The following ZNRF1 variants were observed in gnomAD, a reference collection of about 807,000 sequenced individuals.
The protein encoded by ZNRF1 is zinc and ring finger 1.
In ZNRF1, 3 loss-of-function variants were observed where a neutral mutation model predicts 18.4. That is an observed-to-expected ratio of 0.16 (90% CI 0.07 to 0.42). ZNRF1 has a LOEUF of 0.42. Ranked by LOEUF, ZNRF1 falls within the 10% of genes least tolerant of loss-of-function variation. ZNRF1 has a pLI of 0.99. For synonymous variants in ZNRF1, 157 were observed against 144.2 expected, an observed-to-expected ratio of 1.09 and a Z score of -0.64; for missense variants, 310 against 329.8, an observed-to-expected ratio of 0.94 and a Z score of 0.47.
intron 1 of ZNRF1, among the ~76,000 whole-genome samples, chr16:75,086,747 A>C (rs2036079331): frequency 6.6e-6 from 1 of 152,218 alleles, no homozygotes. Flanking sequence ...CTGAATGCTA[A>C]GGGCAAAGTC....
intron 2 of ZNRF1, among the ~76,000 whole-genome samples, chr16:75,096,058 GCA>G (rs71378738): frequency 0.17 from 19,413 of 111,880 alleles, 1,459 homozygotes; most frequent in East Asian, 0.35. Flanking sequence ...CTGTATGTGT[GCA>G]CGTGTGTGTG....
At chr16:75,102,768 G>A (rs1468272593) in intron 2 of ZNRF1, among the ~76,000 whole-genome samples, 1 of 152,136 alleles carries the variant, frequency 6.6e-6, no homozygotes, top group Non-Finnish European at 1.5e-5. Flanking sequence ...AGCTGGCCGG[G>A]CCTCCTCCCA....
intron 4 of ZNRF1, 51 bp downstream of exon 4, chr16:75,106,622 C>G: frequency 6.6e-7 from 1 of 1,516,470 alleles, no homozygotes; most frequent in Non-Finnish European, 9.1e-7. Flanking sequence ...GGTCAGGTCA[C>G]TTTGGGGGCC....
rs182312953 is a variant in ZNRF1, at chr16:75,082,327, C to T, written c.425-11245C>T. On this transcript the variant is annotated intron_variant, in intron 1 of 4. Transcript: ENST00000335325. ...TCTAGAGGGTCAAAGGGAAGAGGAC[C>T]AATGAATGGCCATAGCTCCTGTTCC... 3.5e-4 allele frequency among the ~76,000 whole-genome samples: 53 copies of T among 152,294 alleles called. 1 individual carries two copies. The East Asian group carries it at 0.01, about 29-fold the overall frequency.
chr16:75,010,711 G>GTTTTTTTTTTT lies in ZNRF1; in HGVS notation c.424+10623_424+10624insTTTTTTTTTTT, dbSNP rs67210395. 9.0e-4 allele frequency among the ~76,000 whole-genome samples: 67 copies of GTTTTTTTTTTT among 74,332 alleles called. 3 individuals are homozygous for GTTTTTTTTTTT. Among genetic ancestry groups the GTTTTTTTTTTT allele is most frequent in the African/African-American group, 1.7e-3 (43 of 25,794 alleles). The allele number at this position is 74,332 out of a possible 152,430, so 48.8% of individuals were successfully genotyped here. A position where few individuals can be genotyped will look rare whatever the true frequency, so the allele number is the denominator to read the frequency against. ...CCTCTGTACTGTACTGTTTTTTTTTGTTTTTTTGTTTTTTTTTTTTTGAGG... is the reference window on the plus strand; with the variant it reads ...CCTCTGTACTGTACTGTTTTTTTTTGTTTTTTTTTTTTTTTTTTGTTTTTTTTTTTTTGAGG... On this transcript the variant is annotated intron_variant, in intron 1 of 4. Coordinates refer to ENST00000335325, the MANE Select transcript of ZNRF1 (RefSeq NM_032268.5).
chr16:75,036,422 C>T (rs925476714), intron 1 of ZNRF1, among the ~76,000 whole-genome samples: 2 of 152,172 alleles, frequency 1.3e-5, no homozygotes, highest in South Asian at 2.1e-4. Flanking sequence ...TGAGCCACTA[C>T]ACCGGGCTTG....
intron 1 of ZNRF1, among the ~76,000 whole-genome samples, chr16:75,039,467 T>C (rs534280077): frequency 1.2e-4 from 19 of 152,318 alleles, no homozygotes; most frequent in African/African-American, 4.6e-4. Context: ...AAACTACTTA[T>C]AAAAATCCTT....
At chr16:75,016,688 A>C (rs895384699) in intron 1 of ZNRF1, among the ~76,000 whole-genome samples, 1 of 139,570 alleles carries the variant, frequency 7.2e-6, no homozygotes, top group Admixed American at 7.4e-5. Context: ...GGCGTCTGTC[A>C]CCATGCCTGG....
At chr16:75,094,360 C>T (rs2036175311) in intron 2 of ZNRF1, among the ~76,000 whole-genome samples, 1 of 152,196 alleles carries the variant, frequency 6.6e-6, no homozygotes. Context: ...GATTTCAAAA[C>T]ACCCAAGCTA....
intron 1 of ZNRF1, among the ~76,000 whole-genome samples, chr16:75,040,860 G>A (rs932596323): frequency 3.1e-4 from 47 of 151,752 alleles, no homozygotes; most frequent in African/African-American, 1.1e-3. Context: ...CACCCACCTT[G>A]GCCTTCCAAA....
At chr16:75,090,497 C>T (rs2036124457) in intron 1 of ZNRF1, among the ~76,000 whole-genome samples, 1 of 152,114 alleles carries the variant, frequency 6.6e-6, no homozygotes, top group Non-Finnish European at 1.5e-5. Context: ...GGATTACAGG[C>T]GTGAGCCACC....
At chr16:75,086,494 A>G (rs1417671454) in intron 1 of ZNRF1, among the ~76,000 whole-genome samples, 4 of 152,204 alleles carry the variant, frequency 2.6e-5, no homozygotes, top group East Asian at 3.8e-4. Flanking sequence ...ACACCTCAGC[A>G]ACTGATAAAT....
intron 1 of ZNRF1, among the ~76,000 whole-genome samples, chr16:75,048,789 C>G (rs1312599265): frequency 1.3e-5 from 2 of 152,186 alleles, no homozygotes; most frequent in African/African-American, 4.8e-5. Flanking sequence ...CAAAGGTGAT[C>G]TGTAGCTGCC....
chr16:75,036,108 A>T (rs1415411406), intron 1 of ZNRF1, among the ~76,000 whole-genome samples: 1 of 152,048 alleles, frequency 6.6e-6, no homozygotes, highest in African/African-American at 2.4e-5. Flanking sequence ...TCCTCTGCTC[A>T]TGTTTTACTA....
chr16:75,005,391 T>G (rs1371263116), intron 1 of ZNRF1, among the ~76,000 whole-genome samples: 1 of 152,196 alleles, frequency 6.6e-6, no homozygotes, highest in Non-Finnish European at 1.5e-5. Flanking sequence ...ATACTACATT[T>G]TGATATTAAA....
rs957862667 is a variant in ZNRF1 at position 75,110,729 on chromosome 16, C to G, written c.*3029C>G. 6 of 152,352 alleles carry G rather than the reference C, an allele frequency of 3.9e-5. No homozygotes were observed. The highest frequency in any genetic ancestry group is 1.4e-4 in the African/African-American group (6 of 41,580). The allele number at this position is 152,352 out of a possible 1,614,324, so 9.4% of individuals were successfully genotyped here. On this transcript the variant is annotated 3_prime_UTR_variant, in exon 5 of 5. Transcript: ENST00000335325. ...GAAATGGTCATTTGCTGAGCGCCTC[C>G]TAGTTGCCAGGCACTGGAGGGCGCA...
chr16:75,104,995 G>A lies in ZNRF1; in HGVS notation c.626+106G>A, dbSNP rs76927809. On this transcript the variant is annotated intron_variant, in intron 3 of 4. Coordinates refer to ENST00000335325, the MANE Select transcript of ZNRF1 (RefSeq NM_032268.5). ...TTGGTTATGGGATGACCTCTCCCCC[G>A]ACCTCTGGCTCCGAGCGGGTAAGGG... 1.5e-3 allele frequency: 1,345 copies of A among 924,278 alleles called. 9 individuals are homozygous for A. The African/African-American group carries it at 0.02, about 14-fold the overall frequency. 57.3% of individuals were successfully genotyped at this position (924,278 alleles called of 1,614,324 possible).
chr16:75,077,322 C>G (rs1451336755), intron 1 of ZNRF1, among the ~76,000 whole-genome samples: 1 of 152,148 alleles, frequency 6.6e-6, no homozygotes, highest in South Asian at 2.1e-4. Flanking sequence ...CACCTGAGGT[C>G]GGGAGTTTGA....
At chr16:75,066,122 G>A (rs2035800444) in intron 1 of ZNRF1, among the ~76,000 whole-genome samples, 1 of 152,190 alleles carries the variant, frequency 6.6e-6, no homozygotes, top group African/African-American at 2.4e-5. Context: ...ACAAGAGTTT[G>A]GAGGCTCGCT....
Sources: allele counts gnomAD v4.1 joint callset (sites outside exome capture counted in the v4.1 genomes callset), GRCh38; gene constraint gnomAD v4.1.1; transcripts MANE v1.5; gene names NCBI Gene and HGNC (gene_info 2026-07-23, HGNC 2026-07-21).